The following DOCK7 variants were observed in gnomAD, a reference collection of about 807,000 sequenced individuals.
DOCK7 encodes dedicator of cytokinesis 7.
DOCK7 carries 138 observed loss-of-function variants against 271.0 expected under a neutral mutation model. The ratio of observed to expected loss-of-function variants is 0.51; its 90% CI spans 0.44 to 0.59. DOCK7 has a LOEUF of 0.59. Among genes scored for constraint, DOCK7 ranks in the 20% least tolerant of loss-of-function variants. The probability of loss-of-function intolerance (pLI) is 0.00; values close to 1 mark genes in which losing one functional copy is unlikely to be tolerated. For synonymous variants in DOCK7, 823 were observed against 876.1 expected, an observed-to-expected ratio of 0.94 and a Z score of 1.07; for missense variants, 2,066 against 2,592.4, an observed-to-expected ratio of 0.80 and a Z score of 4.41.
chr1:62,471,292 C>T (rs1297691927), intron 48 of DOCK7, among the ~76,000 whole-genome samples: 2 of 151,992 alleles, frequency 1.3e-5, no homozygotes, highest in Admixed American at 6.6e-5. Flanking sequence ...GGGACAGCAC[C>T]CCAACCTCTG....
At chr1:62,631,430 A>G (rs533511951) in intron 10 of DOCK7, 25 bp from the exon 11 acceptor site, 4 of 1,548,136 alleles carry the variant, frequency 2.6e-6, no homozygotes, top group African/African-American at 2.8e-5. Context: ...TTTATACATT[A>G]TATGATTATA....
chr1:62,554,198 C>T (rs532663414), intron 21 of DOCK7, among the ~76,000 whole-genome samples: 3 of 152,176 alleles, frequency 2.0e-5, no homozygotes, highest in South Asian at 4.1e-4. Context: ...GGCGGCTGGG[C>T]GTGGTGGCTC....
chr1:62,670,009 G>A (rs1356949677), intron 1 of DOCK7, among the ~76,000 whole-genome samples: 1 of 152,266 alleles, frequency 6.6e-6, no homozygotes, highest in Non-Finnish European at 1.5e-5. Flanking sequence ...GCTGGCCCCG[G>A]GCAATGGGGG....
chr1:62,514,616 T>C (rs1262416620), intron 31 of DOCK7, among the ~76,000 whole-genome samples: 1 of 152,044 alleles, frequency 6.6e-6, no homozygotes, highest in African/African-American at 2.4e-5. Flanking sequence ...GGTCGTATCA[T>C]CCCAATTTTA....
chr1:62,639,478 A>G (rs1655720871), intron 7 of DOCK7, among the ~76,000 whole-genome samples: 1 of 114,728 alleles, frequency 8.7e-6, no homozygotes, highest in East Asian at 2.7e-4. Context: ...TCTGTCGCCC[A>G]GGCTGGAGTG....
At chr1:62,664,648 A>C (rs138385943) in intron 1 of DOCK7, among the ~76,000 whole-genome samples, 1 of 152,210 alleles carries the variant, frequency 6.6e-6, no homozygotes, top group Non-Finnish European at 1.5e-5. Flanking sequence ...AATTATAACA[A>C]ATGTACCATA....
At chr1:62,682,364 G>A (rs888297837) in intron 1 of DOCK7, among the ~76,000 whole-genome samples, 2 of 152,160 alleles carry the variant, frequency 1.3e-5, no homozygotes, top group African/African-American at 4.8e-5. Context: ...ACCTAGAAGT[G>A]AAATAATAAA....
intron 43 of DOCK7, chr1:62,482,397 T>C (rs889483323): frequency 1.3e-5 from 2 of 150,810 alleles, no homozygotes; most frequent in African/African-American, 4.9e-5. Context: ...CAGGCTAGAG[T>C]GCAACGGCGC....
At chr1:62,549,208 A>T (rs1306757726) in intron 22 of DOCK7, among the ~76,000 whole-genome samples, 1 of 152,182 alleles carries the variant, frequency 6.6e-6, no homozygotes, top group East Asian at 1.9e-4. Context: ...TAAATGAATA[A>T]ATCACAGAGG....
intron 14 of DOCK7, among the ~76,000 whole-genome samples, chr1:62,602,722 C>A (rs777175781): frequency 4.6e-5 from 7 of 151,406 alleles, no homozygotes; most frequent in Non-Finnish European, 7.4e-5. Flanking sequence ...GTGAAAAGAA[C>A]CACTCCTAGC....
At chr1:62,606,376 T>C (rs1471112666) in intron 14 of DOCK7, among the ~76,000 whole-genome samples, 1 of 151,756 alleles carries the variant, frequency 6.6e-6, no homozygotes, top group Non-Finnish European at 1.5e-5. Context: ...AGTAGTAAAT[T>C]AGACGTTTTC....
At chr1:62,648,684 T>C (rs1018173843) in intron 4 of DOCK7, 140 bp from the exon 5 acceptor site, 14 of 457,226 alleles carry the variant, frequency 3.1e-5, no homozygotes, top group Non-Finnish European at 5.0e-5. Context: ...GCAATTTAGG[T>C]TAAAGAAAAT....
chr1:62,601,645 C>T, intron 14 of DOCK7: 1 of 658,420 alleles, frequency 1.5e-6, no homozygotes, highest in East Asian at 2.8e-5. Context: ...AATGCTTTAA[C>T]ATAAACATTA....
At chr1:62,631,486 A>T (rs1403269824) in intron 10 of DOCK7, 81 bp from the exon 11 acceptor site, 2 of 1,224,494 alleles carry the variant, frequency 1.6e-6, no homozygotes, top group Non-Finnish European at 2.2e-6. Flanking sequence ...CATAAAGGAA[A>T]AGGATGAGAA....
At chr1:62,462,958 C>G (rs1645575095) in intron 48 of DOCK7, among the ~76,000 whole-genome samples, 1 of 128,746 alleles carries the variant, frequency 7.8e-6, no homozygotes, top group East Asian at 2.6e-4. Context: ...TTTGTTTAAC[C>G]TATATTGATA....
rs201502205 is a variant in DOCK7, at chr1:62,652,938, T to TA, written c.389+786dup. 8.3e-3 allele frequency among the ~76,000 whole-genome samples: 1,271 copies of TA among 152,274 alleles called. 10 individuals carry two copies. The highest frequency in any genetic ancestry group is 0.011 in the Non-Finnish European group (769 of 68,002). On this transcript the variant is annotated intron_variant, in intron 4 of 49. Coordinates refer to ENST00000635253, the MANE Select transcript of DOCK7 (RefSeq NM_001367561.1). ...CCCCAGAGTGATATTTAGCACAATG[T>TA]AAAGCCTAGTGAAATAAGACAGCCA...
In DOCK7 at chr1:62,552,499, T is replaced by C. The variant is rs11207986; in HGVS notation, c.2766+233A>G. Among the ~76,000 whole-genome samples, 88,037 of 151,988 alleles carry C rather than the reference T, an allele frequency of 0.58. 27,297 individuals are homozygous for C. Among genetic ancestry groups the C allele is most frequent in the East Asian group, 0.76 (3,916 of 5,170 alleles). On this transcript the variant is annotated intron_variant, in intron 22 of 49. Transcript: ENST00000635253. ...ATCAGACTGACAACAATAAGTTATA[T>C]GCAACTAGTGATTCCAGACAAATTT... is the stretch of plus-strand genomic sequence containing the variant.
intron 1 of DOCK7, among the ~76,000 whole-genome samples, chr1:62,683,006 GT>G (rs1661341694): frequency 6.6e-6 from 1 of 152,194 alleles, no homozygotes; most frequent in South Asian, 2.1e-4. Context: ...TATTGAGAGA[GT>G]AGTATGCTAA....
At chr1:62,507,272 T>C (rs888247377) in intron 35 of DOCK7, among the ~76,000 whole-genome samples, 2 of 152,152 alleles carry the variant, frequency 1.3e-5, no homozygotes, top group Admixed American at 6.5e-5. Context: ...GTGAGAGATA[T>C]ATTTACTAAA....
Sources: gnomAD v4.1 joint callset for allele counts (sites outside exome capture counted in the v4.1 genomes callset) on GRCh38, gnomAD v4.1.1 for gene constraint, MANE v1.5 for transcripts, NCBI Gene and HGNC (gene_info 2026-07-23, HGNC 2026-07-21) for gene names.